Variants in CDH13 observed in about 807,000 individuals in gnomAD.
CDH13 encodes the protein cadherin 13.
In CDH13, 24 loss-of-function variants were observed where a neutral mutation model predicts 63.8. The ratio of observed to expected loss-of-function variants is 0.38; its 90% CI spans 0.27 to 0.53. The LOEUF (loss-of-function observed/expected upper bound fraction) is 0.53. CDH13 is among the 20% of genes least tolerant of loss of function. The pLI, the probability that CDH13 is intolerant of heterozygous loss-of-function variation, is 0.85. For synonymous variants in CDH13, 503 were observed against 355.3 expected, an observed-to-expected ratio of 1.42 and a Z score of -4.67; for missense variants, 1,049 against 903.1, an observed-to-expected ratio of 1.16 and a Z score of -2.07.
At chr16:83,284,677 G>A (rs909805194) in intron 5 of CDH13, among the ~76,000 whole-genome samples, 17 of 151,696 alleles carry the variant, frequency 1.1e-4, no homozygotes, top group Non-Finnish European at 1.5e-4. Context: ...ATAACATAGC[G>A]TAATATAATA....
At chr16:82,925,694 C>T (rs543912944) in intron 2 of CDH13, among the ~76,000 whole-genome samples, 5 of 152,318 alleles carry the variant, frequency 3.3e-5, no homozygotes, top group South Asian at 4.1e-4. Context: ...ACATGTCAGA[C>T]AGCCAGAAAT....
chr16:83,544,204 C>T (rs1005739766), intron 7 of CDH13, among the ~76,000 whole-genome samples: 9 of 152,134 alleles, frequency 5.9e-5, no homozygotes, highest in African/African-American at 2.2e-4. Context: ...GTCTCCAGCA[C>T]TGAGACTGAG....
At chr16:83,631,295 G>A (rs1910757409) in intron 8 of CDH13, among the ~76,000 whole-genome samples, 1 of 152,152 alleles carries the variant, frequency 6.6e-6, no homozygotes, top group Non-Finnish European at 1.5e-5. Flanking sequence ...ATGGAAAACT[G>A]CCCTGTGTCC....
intron 6 of CDH13, among the ~76,000 whole-genome samples, chr16:83,377,033 A>G (rs1215301497): frequency 1.3e-5 from 2 of 152,166 alleles, no homozygotes; most frequent in Non-Finnish European, 2.9e-5. Flanking sequence ...GTGAAGCACT[A>G]TTCATGGGAA....
intron 10 of CDH13, chr16:83,721,093 G>A (rs1296975603): frequency 6.6e-6 from 1 of 152,282 alleles, no homozygotes; most frequent in Non-Finnish European, 1.5e-5. Context: ...TGAGAAGTGG[G>A]TTCAGTAATG....
chr16:83,001,194 C>T (rs1477994936), intron 2 of CDH13, among the ~76,000 whole-genome samples: 1 of 152,234 alleles, frequency 6.6e-6, no homozygotes, highest in South Asian at 2.1e-4. Flanking sequence ...GGTGACCACA[C>T]AGCATAGAAA....
chr16:83,129,376 G>A (rs376124649), intron 4 of CDH13, among the ~76,000 whole-genome samples: 38 of 152,300 alleles, frequency 2.5e-4, no homozygotes, highest in African/African-American at 4.6e-4. Flanking sequence ...GAAGTGGACC[G>A]CAAGACAAGA....
At chr16:83,134,950 C>T (rs943525761) in intron 4 of CDH13, among the ~76,000 whole-genome samples, 10 of 152,134 alleles carry the variant, frequency 6.6e-5, no homozygotes, top group Admixed American at 3.3e-4. Context: ...TTAAAGGTTC[C>T]TAGAACTTTA....
chr16:83,051,206 G>A (rs1406362318), intron 3 of CDH13, among the ~76,000 whole-genome samples: 1 of 152,128 alleles, frequency 6.6e-6, no homozygotes, highest in Non-Finnish European at 1.5e-5. Context: ...GTCCCAACCT[G>A]CTTTGTCACT....
At chr16:83,591,915 G>T (rs1263967009) in intron 7 of CDH13, among the ~76,000 whole-genome samples, 1 of 152,134 alleles carries the variant, frequency 6.6e-6, no homozygotes, top group Non-Finnish European at 1.5e-5. Flanking sequence ...GGGATTAAAG[G>T]TCTCCCACCT....
rs190725198 is a variant in CDH13, at chr16:82,655,546, G to A, written c.45+28409G>A. 5.9e-5 allele frequency among the ~76,000 whole-genome samples: 9 copies of A among 152,278 alleles called. No homozygotes were observed. The East Asian group carries it at 1.4e-3, about 23-fold the overall frequency. On this transcript the variant is annotated intron_variant, in intron 1 of 13. Transcript: ENST00000567109. ...ATCAGGGAGGCAGATTAGGCTGCAGGGAGGGTGTGCGTGTGATGCTGAGAG... is the reference window on the plus strand; with the variant it reads ...ATCAGGGAGGCAGATTAGGCTGCAGAGAGGGTGTGCGTGTGATGCTGAGAG...
chr16:83,125,954 A>G (rs576607105), intron 4 of CDH13, among the ~76,000 whole-genome samples: 1 of 152,318 alleles, frequency 6.6e-6, no homozygotes, highest in South Asian at 2.1e-4. Context: ...CATACTAATC[A>G]TATCCAGAAT....
chr16:83,181,825 G>C (rs774005659), intron 4 of CDH13, among the ~76,000 whole-genome samples: 2 of 152,160 alleles, frequency 1.3e-5, no homozygotes, highest in East Asian at 3.9e-4. Flanking sequence ...TTCTGGAGAG[G>C]GAAGGACCAC....
intron 5 of CDH13, among the ~76,000 whole-genome samples, chr16:83,242,034 A>G (rs922228930): frequency 2.0e-5 from 3 of 152,158 alleles, no homozygotes; most frequent in African/African-American, 7.2e-5. Context: ...GTAAGGGTCT[A>G]AGTTCAGTTT....
intron 7 of CDH13, among the ~76,000 whole-genome samples, chr16:83,577,285 C>T (rs749132985): frequency 6.6e-6 from 1 of 152,176 alleles, no homozygotes; most frequent in Non-Finnish European, 1.5e-5. Context: ...TATGGATGAT[C>T]ACATTGAAGG....
At chr16:83,776,196 A>G (rs1294111642) in intron 11 of CDH13, among the ~76,000 whole-genome samples, 2 of 152,240 alleles carry the variant, frequency 1.3e-5, no homozygotes, top group African/African-American at 2.4e-5. Flanking sequence ...CAAAAGGCCA[A>G]TTCTTATGGC....
At chr16:83,312,317 C>T (rs1263700233) in intron 5 of CDH13, among the ~76,000 whole-genome samples, 6 of 152,066 alleles carry the variant, frequency 3.9e-5, no homozygotes, top group Non-Finnish European at 7.4e-5. Flanking sequence ...GGAAAAACTG[C>T]CAACTAAAGC....
At chr16:83,056,653 G>C (rs554277892) in intron 3 of CDH13, among the ~76,000 whole-genome samples, 1 of 152,120 alleles carries the variant, frequency 6.6e-6, no homozygotes, top group African/African-American at 2.4e-5. Flanking sequence ...CCAGGATGGT[G>C]GTGATATGGT....
chr16:83,315,832 C>A (rs1012411650), intron 5 of CDH13, among the ~76,000 whole-genome samples: 1 of 151,980 alleles, frequency 6.6e-6, no homozygotes, highest in Non-Finnish European at 1.5e-5. Context: ...GCTCATTCAC[C>A]ACCAGGATTC....
Sources: gnomAD v4.1 joint callset for allele counts (sites outside exome capture counted in the v4.1 genomes callset) on GRCh38, gnomAD v4.1.1 for gene constraint, MANE v1.5 for transcripts, NCBI Gene and HGNC (gene_info 2026-07-23, HGNC 2026-07-21) for gene names.